Variants in PLEKHA6 observed in about 807,000 individuals in gnomAD.
The protein encoded by PLEKHA6 is pleckstrin homology domain-containing family A member 6.
Under a neutral mutation model 116.7 loss-of-function variants are expected in PLEKHA6, and 60 were observed. The ratio of observed to expected loss-of-function variants is 0.51; its 90% CI spans 0.42 to 0.64. PLEKHA6 has a LOEUF of 0.64. Among genes scored for constraint, PLEKHA6 ranks in the 30% least tolerant of loss-of-function variants. The pLI is 0.00. For synonymous variants in PLEKHA6, 489 were observed against 556.1 expected, an observed-to-expected ratio of 0.88 and a Z score of 1.70; for missense variants, 1,338 against 1,422.7, an observed-to-expected ratio of 0.94 and a Z score of 0.96.
chr1:204,333,333 C>T (rs1672527934), intron 1 of PLEKHA6, among the ~76,000 whole-genome samples: 1 of 152,172 alleles, frequency 6.6e-6, no homozygotes, highest in Non-Finnish European at 1.5e-5. Context: ...CCCCAAAGGC[C>T]CCTTCTTTAC....
chr1:204,285,673 C>T (rs545977697), intron 1 of PLEKHA6, among the ~76,000 whole-genome samples: 80 of 152,104 alleles, frequency 5.3e-4, no homozygotes, highest in Non-Finnish European at 9.8e-4. Context: ...GACACGGTCT[C>T]GCCGTGTTGG....
In PLEKHA6 at chr1:204,312,793, T is replaced by A. The variant is rs114686159; in HGVS notation, c.-94-37984A>T. Among the ~76,000 whole-genome samples, 270 of 152,338 alleles carry A rather than the reference T, an allele frequency of 1.8e-3. 1 individual carries two copies. The highest frequency in any genetic ancestry group is 6.1e-3 in the African/African-American group (253 of 41,576). ...TCAGCAGAAATCAGTTTGCCTCTAG[T>A]GCACTCTCTGAGAAGCTCTGAAGCA... is the stretch of plus-strand genomic sequence containing the variant. On this transcript the variant is annotated intron_variant, in intron 1 of 22. Transcript: ENST00000272203.
At chr1:204,265,074 T>C (rs1176577724) in intron 5 of PLEKHA6, 32 bp from the exon 6 acceptor site, 1 of 1,494,218 alleles carries the variant, frequency 6.7e-7, no homozygotes, top group Non-Finnish European at 9.3e-7. Context: ...GAAGGGTGTG[T>C]GTGTGTGTGT....
rs866490699 is a variant in PLEKHA6, at chr1:204,233,641, G to A, written c.2410-3055C>T. 1.7e-4 allele frequency among the ~76,000 whole-genome samples: 26 copies of A among 152,152 alleles called. 1 individual carries two copies. The South Asian group carries it at 3.5e-3, about 21-fold the overall frequency. ...TTTTTAATTTTTTTGTAGAGGCAGGGTCTCACTATGTTGTCCAGACTGGTC... is the reference window on the plus strand; with the variant it reads ...TTTTTAATTTTTTTGTAGAGGCAGGATCTCACTATGTTGTCCAGACTGGTC... On this transcript the variant is annotated intron_variant, in intron 17 of 22. Coordinates refer to ENST00000272203, the MANE Select transcript of PLEKHA6 (RefSeq NM_014935.5).
intron 1 of PLEKHA6, among the ~76,000 whole-genome samples, chr1:204,297,614 A>AGG (rs34256523): frequency 0.023 from 3,443 of 151,412 alleles, 49 homozygotes; most frequent in Non-Finnish European, 0.036. Flanking sequence ...CATCGGCAAC[A>AGG]GGGGGGGTGG....
At chr1:204,235,527 T>C (rs1044641587) in intron 17 of PLEKHA6, among the ~76,000 whole-genome samples, 4 of 152,178 alleles carry the variant, frequency 2.6e-5, no homozygotes, top group African/African-American at 9.7e-5. Flanking sequence ...GAGAAAGAGC[T>C]GAAATTGTGT....
chr1:204,365,546 C>T (rs999198312), intron 3 of PLEKHA6, among the ~76,000 whole-genome samples: 3 of 152,150 alleles, frequency 2.0e-5, no homozygotes, highest in African/African-American at 4.8e-5. Context: ...AAGATGGAAC[C>T]GGCACAGAGA....
chr1:204,375,588 C>A (rs1035743217), intron 1 of PLEKHA6, among the ~76,000 whole-genome samples: 1 of 152,084 alleles, frequency 6.6e-6, no homozygotes, highest in Non-Finnish European at 1.5e-5. Flanking sequence ...CTTTCCATAC[C>A]TTAAGTTTCT....
chr1:204,273,111 C>T (rs1395066367), intron 3 of PLEKHA6, among the ~76,000 whole-genome samples: 1 of 152,190 alleles, frequency 6.6e-6, no homozygotes, highest in Non-Finnish European at 1.5e-5. Context: ...CAACATTCTT[C>T]TCTAGACTTC....
intron 7 of PLEKHA6, among the ~76,000 whole-genome samples, chr1:204,260,250 G>A (rs979683236): frequency 1.3e-5 from 2 of 152,292 alleles, no homozygotes; most frequent in Non-Finnish European, 2.9e-5. Context: ...AGCAGAATGG[G>A]CATAATAATA....
intron 1 of PLEKHA6, chr1:204,377,529 T>C (rs1051553894): frequency 3.3e-5 from 5 of 152,304 alleles, no homozygotes; most frequent in African/African-American, 9.7e-5. Context: ...ACTTTTCAAG[T>C]TGGGCAACTT....
In PLEKHA6 at chr1:204,250,561, G is replaced by C; in HGVS notation, c.1578C>G (p.Asn526Lys). The C allele has an allele frequency of 2.5e-6, 4 of 1,612,454 alleles. No individual in the cohort carries two copies. In the South Asian group the frequency reaches 3.3e-5, roughly 13 times the overall value. Residue 526 changes from asparagine (N) to lysine (K), a missense_variant, in exon 10 of 23, where the codon AAC becomes AAG. Physicochemically the swap from Asn to Lys is moderately conservative, Grantham distance 94. Around this residue, in one of 3 missense-constraint regions of PLEKHA6, gnomAD observed 1,136 missense variants for 1,163.6 expected, o/e 0.98. Transcript: ENST00000272203. ...FRDSLHTYKLNEQDTDKLLGK... is the reference protein window; with the variant it reads ...FRDSLHTYKLKEQDTDKLLGK... ...CTGCTCTTACATCTGTGTCTTGCTC[G>C]TTTAACTTGTAGGTGTGGAGGCTGT...
intron 1 of PLEKHA6, among the ~76,000 whole-genome samples, chr1:204,355,039 G>A (rs1367699428): frequency 1.3e-5 from 2 of 152,238 alleles, no homozygotes; most frequent in Non-Finnish European, 2.9e-5. Flanking sequence ...TTCTGTGCCA[G>A]TAAGGCCACA....
chr1:204,278,839 C>T (rs756455120), intron 1 of PLEKHA6, among the ~76,000 whole-genome samples: 4 of 152,042 alleles, frequency 2.6e-5, no homozygotes, highest in South Asian at 2.1e-4. Flanking sequence ...AACAGGTGCT[C>T]GATAAATATT....
chr1:204,367,512 A>G (rs1242014963), intron 3 of PLEKHA6, among the ~76,000 whole-genome samples: 1 of 151,996 alleles, frequency 6.6e-6, no homozygotes, highest in Non-Finnish European at 1.5e-5. Context: ...TACTTTGTTG[A>G]GCCATCTCCT....
At chr1:204,286,921 C>T (rs1053941446) in intron 1 of PLEKHA6, among the ~76,000 whole-genome samples, 2 of 152,312 alleles carry the variant, frequency 1.3e-5, no homozygotes, top group Admixed American at 1.3e-4. Flanking sequence ...TAGTGGCTGG[C>T]ACCTTCCCCC....
chr1:204,375,612 G>A (rs548542494), intron 1 of PLEKHA6, among the ~76,000 whole-genome samples: 1 of 151,800 alleles, frequency 6.6e-6, no homozygotes, highest in South Asian at 2.1e-4. Context: ...CCTGCCTCTC[G>A]CTCAGCCTCA....
Position 204,377,006 on chromosome 1 carries a change from C to T in PLEKHA6, c.83+577G>A, listed in dbSNP as rs376422014. ...AATATATTACTGAGAGTAGCAAAGG[C>T]GCGCTCTCTCTCAAGAATGCCAAAC... On this transcript the variant is annotated intron_variant, in intron 1 of 4. Transcript: ENST00000564627. Among the ~76,000 whole-genome samples the T allele has an allele frequency of 1.8e-3, 279 of 152,258 alleles. 9 individuals carry two copies. In the South Asian group the frequency reaches 0.053, roughly 29 times the overall value.
chr1:204,266,631 C>T (rs1666858874), intron 5 of PLEKHA6, among the ~76,000 whole-genome samples: 1 of 151,804 alleles, frequency 6.6e-6, no homozygotes, highest in African/African-American at 2.4e-5. Flanking sequence ...CAGCAACCAG[C>T]AACAGCAGTG....
Sources: gnomAD v4.1 joint callset for allele counts (sites outside exome capture counted in the v4.1 genomes callset) on GRCh38, gnomAD v4.1.1 for gene constraint, gnomAD v4.1.1 regional missense constraint, MANE v1.5 for transcripts, NCBI Gene and HGNC (gene_info 2026-07-23, HGNC 2026-07-21) for gene names.